Variants in MAST3 observed in about 807,000 individuals in gnomAD.
MAST3 encodes microtubule associated serine/threonine kinase 3, also known as microtubule-associated serine/threonine-protein kinase 3.
In MAST3, 43 loss-of-function variants were observed where a neutral mutation model predicts 127.0. The ratio of observed to expected loss-of-function variants is 0.34; its 90% CI spans 0.27 to 0.44. MAST3 has a LOEUF of 0.44. Ranked by LOEUF, MAST3 falls within the 20% of genes least tolerant of loss-of-function variation. The pLI, the probability that MAST3 is intolerant of heterozygous loss-of-function variation, is 1.00. For synonymous variants in MAST3, 785 were observed against 809.2 expected, an observed-to-expected ratio of 0.97 and a Z score of 0.51; for missense variants, 1,390 against 1,919.1, an observed-to-expected ratio of 0.72 and a Z score of 5.15.
intron 14 of MAST3, 122 bp from the exon 15 acceptor site, chr19:18,131,787 A>G: frequency 9.1e-7 from 1 of 1,103,652 alleles, no homozygotes; most frequent in Non-Finnish European, 1.3e-6. Context: ...GAGATAGAAC[A>G]AACTGGGGAC....
chr19:18,111,853 T>C (rs273509), intron 3 of MAST3, among the ~76,000 whole-genome samples: 9,240 of 152,172 alleles, frequency 0.061, 935 homozygotes, highest in African/African-American at 0.21. Context: ...GAGAACAATA[T>C]AGAGCCCACA....
At position 18,139,021 on chromosome 19, in the gene MAST3, C is replaced by T. The variant is rs769256890; in HGVS notation, c.2102C>T (p.Ser701Leu). 53 of 1,588,572 alleles carry T rather than the reference C, an allele frequency of 3.3e-5. No individual in the cohort carries two copies. Among genetic ancestry groups the T allele is most frequent in the Middle Eastern group, 3.3e-4 (2 of 6,068 alleles). The change falls in exon 20 of 28, where the codon TCG becomes TTG. Residue 701 changes from serine to leucine, a missense_variant. Physicochemically the swap from Ser to Leu is moderately radical, Grantham distance 145. This residue lies in a region of MAST3 where 191 missense variants were observed against 409.0 expected (regional missense o/e 0.47). Coordinates refer to ENST00000687212, the MANE Select transcript of MAST3 (RefSeq NM_001393504.1). ...GTGCCTCTCCCTCCCACAGCACGTTCGGAACGTTACCGCCATCTGGGCTCC... is the reference window on the plus strand; with the variant it reads ...GTGCCTCTCCCTCCCACAGCACGTTTGGAACGTTACCGCCATCTGGGCTCC... ...EDDTSYFDTRSERYRHLGSED... is the reference protein window; with the variant it reads ...EDDTSYFDTRLERYRHLGSED...
At chr19:18,105,195 C>T (rs916620581) in intron 1 of MAST3, among the ~76,000 whole-genome samples, 2 of 151,752 alleles carry the variant, frequency 1.3e-5, no homozygotes, top group African/African-American at 4.8e-5. Flanking sequence ...AGTGAAACCT[C>T]GTCTCTGCTA....
Position 18,141,930 on chromosome 19 carries a change from G to C in MAST3, c.2254G>C (p.Ala752Pro). 1.3e-6 allele frequency: 2 copies of C among 1,552,896 alleles called. No homozygotes were observed. The highest frequency in any genetic ancestry group is 1.2e-5 in the South Asian group (1 of 80,304). The change falls in exon 21 of 28, where the codon GCT becomes CCT. Residue 752 changes from alanine (A) to proline (P), a missense_variant. Coordinates refer to ENST00000687212, the MANE Select transcript of MAST3 (RefSeq NM_001393504.1). ...GGCCGTCCAGCCCACTCCTACCTTC[G>C]CTGAAAGGAGCTTCAGTGAAGACCG... is the stretch of plus-strand genomic sequence containing the variant. ...FLAVQPTPTFAERSFSEDREE... is the reference protein window; with the variant it reads ...FLAVQPTPTFPERSFSEDREE...
intron 2 of MAST3, among the ~76,000 whole-genome samples, chr19:18,108,097 C>T (rs2038209247): frequency 6.6e-6 from 1 of 152,046 alleles, no homozygotes. Flanking sequence ...TCAAGATCAG[C>T]CTGGCCAACA....
chr19:18,100,128 C>CTCCTTTTTTTTTTTTTTTTTTTTT (rs776661078), intron 1 of MAST3, among the ~76,000 whole-genome samples: 20 of 121,722 alleles, frequency 1.6e-4, no homozygotes, highest in Non-Finnish European at 1.6e-4. Flanking sequence ...CTCTCTCTCT[C>CTCCTTTTTTTTTTTTTTTTTTTTT]TTTTTTTTTT....
intron 26 of MAST3, 49 bp from the exon 27 acceptor site, chr19:18,147,394 T>C (rs373054907): frequency 6.4e-7 from 1 of 1,560,772 alleles, no homozygotes; most frequent in Non-Finnish European, 8.8e-7. Context: ...TGAGCCACCA[T>C]GCCTGGCCAG....
chr19:18,117,769 C>G (rs1488661020), intron 3 of MAST3, among the ~76,000 whole-genome samples: 1 of 152,144 alleles, frequency 6.6e-6, no homozygotes, highest in Non-Finnish European at 1.5e-5. Flanking sequence ...GCCCCTAGCT[C>G]GAGGTTAAGG....
intron 11 of MAST3, 134 bp downstream of exon 11, chr19:18,124,908 C>T (rs2040409603): frequency 3.6e-6 from 4 of 1,118,032 alleles, no homozygotes; most frequent in Admixed American, 6.9e-5. Context: ...GAGTTCGAGA[C>T]CAGCCTGGCC....
chr19:18,129,922 C>CAAAAAA (rs58948738), intron 13 of MAST3, among the ~76,000 whole-genome samples: 5 of 116,614 alleles, frequency 4.3e-5, no homozygotes, highest in Admixed American at 9.4e-5. Context: ...GAGACCATCT[C>CAAAAAA]AAAAAAAAAA....
At chr19:18,121,575 C>A in intron 3 of MAST3, 110 bp from the exon 4 acceptor site, 1 of 966,504 alleles carries the variant, frequency 1.0e-6, no homozygotes, top group South Asian at 1.5e-5. Context: ...TGGCCATGTC[C>A]AACATCCCAT....
intron 6 of MAST3, among the ~76,000 whole-genome samples, 166 bp from the exon 7 acceptor site, chr19:18,123,051 G>A (rs1356003058): frequency 3.3e-5 from 5 of 152,200 alleles, no homozygotes; most frequent in Non-Finnish European, 7.4e-5. Flanking sequence ...CTGGAGGAGA[G>A]GGCATCAGAG....
In MAST3 at chr19:18,139,815, T is replaced by TG. The variant is rs758575842; in HGVS notation, c.2205+691_2205+692insG. On this transcript the variant is annotated intron_variant, in intron 20 of 27. Coordinates refer to ENST00000687212, the MANE Select transcript of MAST3 (RefSeq NM_001393504.1). ...TAATTTGCTTTTGTTTTAGCCATTT[T>TG]TTTTTTTTCTTTTTTTTTTTTTGAG... Among the ~76,000 whole-genome samples, 1,237 of 143,858 alleles carry TG rather than the reference T, an allele frequency of 8.6e-3. 60 individuals are homozygous for TG. The highest frequency in any genetic ancestry group is 0.025 in the African/African-American group (981 of 39,040). The allele number at this position is 143,858 out of a possible 152,430, so 94.4% of individuals were successfully genotyped here.
chr19:18,124,827 C>G, intron 11 of MAST3, 53 bp downstream of exon 11: 1 of 1,537,616 alleles, frequency 6.5e-7, no homozygotes, highest in South Asian at 1.2e-5. Flanking sequence ...GGATGGAGGC[C>G]AGGCACGGTG....
Position 18,129,086 on chromosome 19 carries a change from T to C in MAST3, c.1223+135T>C, listed in dbSNP as rs1024587299. 15 of 746,832 alleles carry C rather than the reference T, an allele frequency of 2.0e-5. No individual in the cohort carries two copies. In the African/African-American group the frequency reaches 2.4e-4, roughly 12 times the overall value. The allele number at this position is 746,832 out of a possible 1,614,324, so 46.3% of individuals were successfully genotyped here. A position where few individuals can be genotyped will look rare whatever the true frequency, so the allele number is the denominator to read the frequency against. On this transcript the variant is annotated intron_variant, in intron 13 of 27. Coordinates refer to ENST00000687212, the MANE Select transcript of MAST3 (RefSeq NM_001393504.1). ...TCCTTGAATGGGCAGAGAAGGCACCTGAGGACTGGAGGGGGAAGTGGAGAC... is the reference window on the plus strand; with the variant it reads ...TCCTTGAATGGGCAGAGAAGGCACCCGAGGACTGGAGGGGGAAGTGGAGAC...
chr19:18,100,658 A>T (rs1334998497), intron 1 of MAST3, among the ~76,000 whole-genome samples: 1 of 152,212 alleles, frequency 6.6e-6, no homozygotes, highest in East Asian at 1.9e-4. Flanking sequence ...AAAGGAAGAA[A>T]CTGAGGCCCA....
At position 18,143,807 on chromosome 19, in the gene MAST3, C is replaced by CGTCCCAGCCCGAGCGGG; in HGVS notation, c.2395_2411dup (p.Leu806GlyfsTer8). 2 of 1,613,808 alleles carry CGTCCCAGCCCGAGCGGG rather than the reference C, an allele frequency of 1.2e-6. No homozygotes were observed. Among genetic ancestry groups the CGTCCCAGCCCGAGCGGG allele is most frequent in the South Asian group, 1.1e-5 (1 of 91,034 alleles). Reference sequence around the variant, plus strand: ...TCTGGATCCTCCTGTCAGTCATCTTCGTCCCAGCCCGAGCGGGGTCCCAGC... The same window carrying CGTCCCAGCCCGAGCGGG: ...TCTGGATCCTCCTGTCAGTCATCTTCGTCCCAGCCCGAGCGGGGTCCCAGCCCGAGCGGGGTCCCAGC... On this transcript the variant is annotated frameshift_variant, in exon 22 of 28. Coordinates refer to ENST00000687212, the MANE Select transcript of MAST3 (RefSeq NM_001393504.1). LOFTEE classifies it high-confidence loss of function.
chr19:18,144,155 C>A lies in MAST3; in HGVS notation c.2584+148C>A. 1 of 1,201,510 alleles carries A rather than the reference C, an allele frequency of 8.3e-7. No individual in the cohort carries two copies. Among genetic ancestry groups the A allele is most frequent in the Non-Finnish European group, 1.1e-6 (1 of 883,688 alleles). 74.4% of individuals were successfully genotyped at this position (1,201,510 alleles called of 1,614,324 possible). A position where few individuals can be genotyped will look rare whatever the true frequency, so the allele number is the denominator to read the frequency against. Reference sequence around the variant, plus strand: ...AGAAGCCAGGGTCCCAGAGAGACCCCCAGCCCCCAAGGAACCCCAGTCTAG... The same window carrying A: ...AGAAGCCAGGGTCCCAGAGAGACCCACAGCCCCCAAGGAACCCCAGTCTAG... On this transcript the variant is annotated intron_variant, in intron 22 of 27. Coordinates refer to ENST00000687212, the MANE Select transcript of MAST3 (RefSeq NM_001393504.1). This position sits in a 1 kb window ranked among gnomAD's most constrained non-coding sequence, Gnocchi z 4.0.
rs373154404 is a variant in MAST3 at position 18,149,723 on chromosome 19, C to G, written c.4041C>G (p.Asp1347Glu). ...TAGCTCTCGGGCCCACCGGAAGAGA[C>G]TGATCCCCTGCCAGGTCTCTCCCTG... Reference protein sequence around the residue: ...VPVALGPTGRD With the variant: ...VPVALGPTGRE The change falls in exon 28 of 28, where the codon GAC becomes GAG. Residue 1347 changes from aspartate to glutamate, a missense_variant. Coordinates refer to ENST00000687212, the MANE Select transcript of MAST3 (RefSeq NM_001393504.1). The surrounding 1 kb of genome is among the most constrained non-coding windows in gnomAD (Gnocchi z 5.9). The G allele has an allele frequency of 1.2e-6, 2 of 1,611,756 alleles. No homozygotes were observed. The highest frequency in any genetic ancestry group is 1.7e-6 in the Non-Finnish European group (2 of 1,179,528).
Sources: allele counts gnomAD v4.1 joint callset (sites outside exome capture counted in the v4.1 genomes callset), GRCh38; gene constraint gnomAD v4.1.1; regional missense constraint gnomAD v4.1.1; non-coding constraint Gnocchi (gnomAD v3.1); transcripts MANE v1.5; gene names NCBI Gene and HGNC (gene_info 2026-07-23, HGNC 2026-07-21).